IGBP1: variants seen among roughly 807,000 people sequenced by gnomAD.
The protein encoded by IGBP1 is immunoglobulin-binding protein 1.
In IGBP1, 2 loss-of-function variants were observed where a neutral mutation model predicts 25.9. The ratio of observed to expected loss-of-function variants is 0.08; its 90% confidence interval spans 0.03 to 0.24. IGBP1 has a LOEUF of 0.24. IGBP1 is among the 10% of genes least tolerant of loss of function. IGBP1 has a pLI of 1.00. For missense variants in IGBP1, 187 were observed against 260.4 expected (o/e 0.72, Z 1.94); for synonymous variants, 96 against 93.4 (o/e 1.03, Z -0.16).
intron 6 of IGBP1, among the ~76,000 whole-genome samples, chrX:70,155,719 C>T (rs1602674371): frequency 9.0e-6 from 1 of 110,996 alleles, no homozygotes; most frequent in African/African-American, 3.3e-5. Context: ...CCATGCATTT[C>T]AGATAAGGGA....
At chrX:70,144,923 C>G (rs1403469347) in intron 3 of IGBP1, among the ~76,000 whole-genome samples, 3 of 108,408 alleles carry the variant, frequency 2.8e-5, no homozygotes, top group Non-Finnish European at 5.7e-5. Flanking sequence ...CTCCCAAAGT[C>G]CTGGGATTAC....
Position 70,134,657 on chromosome X carries a change from A to G in IGBP1, c.323A>G (p.His108Arg), listed in dbSNP as rs148273635. 2.0e-5 allele frequency: 24 copies of G among 1,210,559 alleles called. No individual in the cohort carries two copies. In the African/African-American group the frequency reaches 3.8e-4, roughly 19 times the overall value. The change falls in exon 3 of 7, where the codon CAC (histidine) becomes CGC (arginine). Residue 108 changes from histidine (H) to arginine (R), a missense_variant. Physicochemically the swap from His to Arg is conservative, Grantham distance 29 (BLOSUM62 0). Transcript: ENST00000356413. Reference sequence around the variant, plus strand: ...GATCATTTGCAGCGGGCTCGAGAACACTTTATAAACTACTTAACTCAGTGC... The same window carrying G: ...GATCATTTGCAGCGGGCTCGAGAACGCTTTATAAACTACTTAACTCAGTGC... Reference protein sequence around the residue: ...RLDHLQRAREHFINYLTQCHC... With the variant: ...RLDHLQRARERFINYLTQCHC...
At chrX:70,143,129 A>G (rs778961825) in intron 3 of IGBP1, among the ~76,000 whole-genome samples, 5 of 110,620 alleles carry the variant, frequency 4.5e-5, no homozygotes, top group Non-Finnish European at 9.5e-5. Flanking sequence ...TCACCGTGTT[A>G]GCCAGGATGG....
At chrX:70,134,468 G>A in intron 2 of IGBP1, 55 bp from the exon 3 acceptor site, 1 of 1,149,223 alleles carries the variant, frequency 8.7e-7, no homozygotes, top group Non-Finnish European at 1.2e-6. Flanking sequence ...CAGAAAGCAA[G>A]GGCCACAATT....
chrX:70,134,254 C>G (rs924540795), intron 2 of IGBP1, 119 bp downstream of exon 2: 3 of 650,507 alleles, frequency 4.6e-6, no homozygotes, highest in Non-Finnish European at 4.9e-6. Flanking sequence ...TTCCTACTTA[C>G]CACTGCGATC....
intron 3 of IGBP1, among the ~76,000 whole-genome samples, chrX:70,139,627 A>G (rs1309358180): frequency 1.8e-5 from 2 of 111,583 alleles, no homozygotes; most frequent in Admixed American, 9.5e-5. Context: ...GTGTACCACC[A>G]TTGACTTAGG....
chrX:70,134,461 A>C, intron 2 of IGBP1, 62 bp from the exon 3 acceptor site: 1 of 1,130,815 alleles, frequency 8.8e-7, no homozygotes, highest in Non-Finnish European at 1.2e-6. Flanking sequence ...CGTCCCCCAG[A>C]AAGCAAGGGC....
At chrX:70,163,231 A>AT (rs200198806) in intron 6 of IGBP1, among the ~76,000 whole-genome samples, 1,409 of 108,759 alleles carry the variant, frequency 0.013, 10 homozygotes, top group Middle Eastern at 0.043. Flanking sequence ...TGTCATAAAT[A>AT]TTTTTTTTGT....
chrX:70,143,732 G>A (rs1302470839), intron 3 of IGBP1, among the ~76,000 whole-genome samples: 1 of 107,929 alleles, frequency 9.3e-6, no homozygotes, highest in African/African-American at 3.4e-5. Flanking sequence ...CCTGGGGGTT[G>A]GGGGGGCGGG....
At chrX:70,151,287 CTT>C (rs2085201408) in intron 6 of IGBP1, among the ~76,000 whole-genome samples, 1 of 110,877 alleles carries the variant, frequency 9.0e-6, no homozygotes, top group Non-Finnish European at 1.9e-5. Context: ...GATGGAATAT[CTT>C]AGTCCCTCTG....
intron 3 of IGBP1, among the ~76,000 whole-genome samples, chrX:70,145,232 ATACGTCTCTTGGAAATCTTG>A (rs1469584348): frequency 9.1e-6 from 1 of 110,316 alleles, no homozygotes; most frequent in Non-Finnish European, 1.9e-5. Flanking sequence ...ATATTTCAAG[ATACGTCTCTTGGAAATCTTG>A]ATGTTTTTCC....
chrX:70,151,063 C>T (rs1278517888), intron 6 of IGBP1, among the ~76,000 whole-genome samples: 2 of 110,344 alleles, frequency 1.8e-5, no homozygotes, highest in African/African-American at 6.6e-5. Context: ...CGGGTTCAAG[C>T]AGTTCTCCTG....
rs2085155003 is a variant in IGBP1, at chrX:70,144,721, A to G, written c.483-1912A>G. 3.3e-5 allele frequency among the ~76,000 whole-genome samples: 3 copies of G among 90,457 alleles called. No homozygotes were observed. In the Admixed American group the frequency reaches 4.2e-4, roughly 13 times the overall value. The allele number at this position is 90,457 out of a possible 115,157, so 78.6% of individuals were successfully genotyped here. A position where few individuals can be genotyped will look rare whatever the true frequency, so the allele number is the denominator to read the frequency against. ...TGTTGCCAGGCTGGAATGCAGTGGC[A>G]CGATCTCGGCTCACTGCAACCTCTC... On this transcript the variant is annotated intron_variant, in intron 3 of 6. Coordinates refer to ENST00000356413, the MANE Select transcript of IGBP1 (RefSeq NM_001551.3).
intron 2 of IGBP1, 38 bp from the exon 3 acceptor site, chrX:70,134,485 C>A (rs767878896): frequency 3.4e-6 from 4 of 1,188,163 alleles, no homozygotes; most frequent in Non-Finnish European, 4.6e-6. Context: ...AATTTGAATG[C>A]CTAGTCAGGC....
chrX:70,156,625 G>T (rs1036751151), intron 6 of IGBP1, among the ~76,000 whole-genome samples: 4 of 112,326 alleles, frequency 3.6e-5, no homozygotes, highest in African/African-American at 9.7e-5. Flanking sequence ...AAGTTCAAGA[G>T]ATCTGTTATA....
At position 70,150,146 on chromosome X, in the gene IGBP1, GGTTTTTTTT is replaced by G. The variant is rs2085193388; in HGVS notation, c.759-60_759-52del. On this transcript the variant is annotated intron_variant, in intron 5 of 6. Coordinates refer to ENST00000356413, the MANE Select transcript of IGBP1 (RefSeq NM_001551.3). Reference sequence around the variant, plus strand: ...GTTAGAGAGACTTTTTGTAGTACTGGGTTTTTTTTGTTATTTTTGTTTTTTTGTTTTTTT... The same window carrying G: ...GTTAGAGAGACTTTTTGTAGTACTGGGTTATTTTTGTTTTTTTGTTTTTTT... 10 of 653,257 alleles carry G rather than the reference GGTTTTTTTT, an allele frequency of 1.5e-5. No homozygotes were observed. The South Asian group carries it at 2.3e-4, about 15-fold the overall frequency. The allele number at this position is 653,257 out of a possible 1,213,427, so 53.8% of individuals were successfully genotyped here.
chrX:70,153,945 A>G (rs182363619), intron 6 of IGBP1, among the ~76,000 whole-genome samples: 127 of 111,786 alleles, frequency 1.1e-3, no homozygotes, highest in Non-Finnish European at 2.6e-4. Context: ...GCCCTATTCT[A>G]TTAGTCATAT....
intron 6 of IGBP1, among the ~76,000 whole-genome samples, chrX:70,158,714 G>A (rs770233786): frequency 1.8e-4 from 20 of 111,167 alleles, no homozygotes; most frequent in African/African-American, 6.2e-4. Context: ...ATGGTGGTAC[G>A]TGCCTGTAGT....
intron 3 of IGBP1, among the ~76,000 whole-genome samples, chrX:70,138,712 CATT>C (rs200369210): frequency 0.013 from 1,438 of 111,264 alleles, 21 homozygotes; most frequent in African/African-American, 0.045. Flanking sequence ...TTTAACCTAA[CATT>C]ATACCATGAG....
Sources: gnomAD v4.1 joint callset for allele counts (sites outside exome capture counted in the v4.1 genomes callset) on GRCh38, gnomAD v4.1.1 for gene constraint, MANE v1.5 for transcripts, NCBI Gene and HGNC (gene_info 2026-07-23, HGNC 2026-07-21) for gene names.